GALNTL6: variants seen among roughly 807,000 people sequenced by gnomAD.
GALNTL6 encodes the protein polypeptide N-acetylgalactosaminyltransferase-like 6.
A neutral mutation model predicts 73.7 loss-of-function variants in GALNTL6; 46 were observed. The observed-to-expected ratio is 0.62, with a 90% CI of 0.49 to 0.80. The LOEUF is 0.80. Among genes scored for constraint, GALNTL6 ranks in the 30% least tolerant of loss-of-function variants. GALNTL6 has a pLI of 0.00. For synonymous variants in GALNTL6, 259 were observed against 263.7 expected (o/e 0.98, Z 0.17); for missense variants, 604 against 755.0 (o/e 0.80, Z 2.34).
intron 5 of GALNTL6, among the ~76,000 whole-genome samples, chr4:172,707,841 A>G (rs1434822193): frequency 6.6e-6 from 1 of 152,108 alleles, no homozygotes; most frequent in Non-Finnish European, 1.5e-5. Flanking sequence ...AAGGAAAGCC[A>G]TGGTGATCAG....
chr4:172,676,707 T>C (rs1298694781), intron 5 of GALNTL6, among the ~76,000 whole-genome samples: 1 of 152,198 alleles, frequency 6.6e-6, no homozygotes, highest in East Asian at 1.9e-4. Flanking sequence ...CAGGTTGCGG[T>C]GGCTGCCTAC....
intron 2 of GALNTL6, among the ~76,000 whole-genome samples, chr4:172,201,177 G>T (rs59625554): frequency 0.043 from 6,177 of 143,258 alleles, 400 homozygotes; most frequent in African/African-American, 0.14. Context: ...GTTGGGAGTT[G>T]TTTTTTTTTT....
At chr4:172,582,064 C>G (rs553630346) in intron 5 of GALNTL6, among the ~76,000 whole-genome samples, 250 of 152,290 alleles carry the variant, frequency 1.6e-3, no homozygotes, top group African/African-American at 5.7e-3. Flanking sequence ...TTTCTTAGAA[C>G]TGGCTGTCAG....
intron 3 of GALNTL6, among the ~76,000 whole-genome samples, chr4:172,302,826 A>T (rs934137182): frequency 3.3e-5 from 5 of 151,660 alleles, no homozygotes; most frequent in South Asian, 2.1e-4. Flanking sequence ...TTTAAGAAGG[A>T]ATCTATTCAT....
At chr4:172,392,462 A>ATT (rs5864134) in intron 5 of GALNTL6, among the ~76,000 whole-genome samples, 25 of 146,674 alleles carry the variant, frequency 1.7e-4, no homozygotes, top group African/African-American at 6.0e-4. Context: ...TTTCTTATTC[A>ATT]TTTTTTTTTT....
intron 5 of GALNTL6, among the ~76,000 whole-genome samples, chr4:172,578,081 C>G (rs1737028262): frequency 1.3e-5 from 2 of 152,208 alleles, no homozygotes; most frequent in South Asian, 2.1e-4. Flanking sequence ...AGAAGAGACT[C>G]ATATTGAAAC....
chr4:171,976,509 T>A (rs1739725849), intron 2 of GALNTL6, among the ~76,000 whole-genome samples: 1 of 152,190 alleles, frequency 6.6e-6, no homozygotes, highest in Admixed American at 6.5e-5. Context: ...TTACATAGGT[T>A]TTGTATGGTG....
At chr4:172,891,444 G>A (rs1746025293) in intron 8 of GALNTL6, among the ~76,000 whole-genome samples, 1 of 152,018 alleles carries the variant, frequency 6.6e-6, no homozygotes, top group South Asian at 2.1e-4. Flanking sequence ...ATTCTTGGTT[G>A]GAATTTTTTT....
At chr4:171,963,064 CCTA>C (rs1739276335) in intron 2 of GALNTL6, among the ~76,000 whole-genome samples, 1 of 122,248 alleles carries the variant, frequency 8.2e-6, no homozygotes, top group Non-Finnish European at 1.9e-5. Flanking sequence ...CTGCGCCCAA[CCTA>C]CTTTTTTTTT....
At chr4:172,398,727 T>C (rs1160640026) in intron 5 of GALNTL6, among the ~76,000 whole-genome samples, 2 of 152,322 alleles carry the variant, frequency 1.3e-5, no homozygotes, top group African/African-American at 4.8e-5. Context: ...ATATATTCAA[T>C]TCCTAAAAAT....
intron 2 of GALNTL6, among the ~76,000 whole-genome samples, chr4:171,863,963 T>C (rs1444172296): frequency 6.6e-6 from 1 of 152,074 alleles, no homozygotes; most frequent in Non-Finnish European, 1.5e-5. Flanking sequence ...GGTTTCACCA[T>C]GTTGGCCAGG....
At chr4:172,376,561 G>A (rs1044658480) in intron 5 of GALNTL6, among the ~76,000 whole-genome samples, 1 of 152,174 alleles carries the variant, frequency 6.6e-6, no homozygotes, top group Non-Finnish European at 1.5e-5. Context: ...TGACACCTGT[G>A]TCTTCAGTCT....
intron 2 of GALNTL6, among the ~76,000 whole-genome samples, chr4:172,036,592 C>T (rs898286539): frequency 2.0e-5 from 3 of 152,046 alleles, no homozygotes; most frequent in Non-Finnish European, 4.4e-5. Flanking sequence ...TGTATTAGTT[C>T]AATTAATTTC....
chr4:172,999,767 TTATA>T lies in GALNTL6; in HGVS notation c.1372-9396_1372-9393del, dbSNP rs35127229. Among the ~76,000 whole-genome samples the T allele has an allele frequency of 8.9e-4, 132 of 147,934 alleles. No homozygotes were observed. The East Asian group carries it at 0.011, about 13-fold the overall frequency. On this transcript the variant is annotated intron_variant, in intron 10 of 12. Coordinates refer to ENST00000506823, the MANE Select transcript of GALNTL6 (RefSeq NM_001034845.3). The stretch of plus-strand genomic sequence containing the variant: ...ACACATATCTTCTTTTGAATACATA[TTATA>T]TATATATATATATAATTTGGATATA...
At chr4:172,724,003 T>C (rs1390871563) in intron 5 of GALNTL6, among the ~76,000 whole-genome samples, 1 of 152,190 alleles carries the variant, frequency 6.6e-6, no homozygotes, top group East Asian at 1.9e-4. Context: ...AGCAAAGCTC[T>C]GGGTCTGGCA....
At chr4:172,423,113 A>G (rs1386342411) in intron 5 of GALNTL6, among the ~76,000 whole-genome samples, 1 of 151,818 alleles carries the variant, frequency 6.6e-6, no homozygotes, top group Non-Finnish European at 1.5e-5. Context: ...AAATCCCATC[A>G]CTTCTTGCCA....
At chr4:172,760,223 C>T (rs903685147) in intron 5 of GALNTL6, among the ~76,000 whole-genome samples, 4 of 152,080 alleles carry the variant, frequency 2.6e-5, no homozygotes, top group Non-Finnish European at 5.9e-5. Context: ...AGGCTGAACC[C>T]GATTACTTTG....
chr4:171,889,677 G>GA (rs1297828845), intron 2 of GALNTL6, among the ~76,000 whole-genome samples: 1 of 151,940 alleles, frequency 6.6e-6, no homozygotes, highest in Non-Finnish European at 1.5e-5. Context: ...AAAGTGATGA[G>GA]AAAAAATGAG....
chr4:171,973,426 T>A (rs1739628199), intron 2 of GALNTL6, among the ~76,000 whole-genome samples: 1 of 152,156 alleles, frequency 6.6e-6, no homozygotes, highest in South Asian at 2.1e-4. Context: ...TCCTTGCTTC[T>A]TCCAGCTTCT....
Sources: gnomAD v4.1 joint callset for allele counts (sites outside exome capture counted in the v4.1 genomes callset) on GRCh38, gnomAD v4.1.1 for gene constraint, MANE v1.5 for transcripts, NCBI Gene and HGNC (gene_info 2026-07-23, HGNC 2026-07-21) for gene names.